The following PTPRO variants were observed in gnomAD, a reference collection of about 807,000 sequenced individuals.
PTPRO encodes the protein receptor-type tyrosine-protein phosphatase O.
PTPRO carries 62 observed loss-of-function variants against 145.2 expected under a neutral mutation model. That is an observed-to-expected ratio of 0.43 (90% CI 0.35 to 0.53). The LOEUF (loss-of-function observed/expected upper bound fraction) is 0.53. Ranked by LOEUF, PTPRO falls within the 20% of genes least tolerant of loss-of-function variation. The pLI is 0.01. For missense variants in PTPRO, 1,345 were observed against 1,482.7 expected, an observed-to-expected ratio of 0.91 and a Z score of 1.53; for synonymous variants, 565 against 514.7, an observed-to-expected ratio of 1.10 and a Z score of -1.32.
chr12:15,395,430 A>G (rs1939308667), intron 1 of PTPRO, among the ~76,000 whole-genome samples: 1 of 152,140 alleles, frequency 6.6e-6, no homozygotes, highest in Non-Finnish European at 1.5e-5. Flanking sequence ...CAGATCACAA[A>G]CATAAGTCAA....
At chr12:15,535,254 T>A (rs1032864341) in intron 12 of PTPRO, among the ~76,000 whole-genome samples, 12 of 152,152 alleles carry the variant, frequency 7.9e-5, no homozygotes, top group African/African-American at 2.7e-4. Context: ...GGGCTGGAAA[T>A]ATAAATTTGG....
intron 26 of PTPRO, 136 bp downstream of exon 26, chr12:15,595,193 C>T: frequency 4.3e-6 from 3 of 692,796 alleles, no homozygotes; most frequent in East Asian, 5.6e-5. Flanking sequence ...CAGCTCCTGG[C>T]CTCACATGGG....
rs558195740 is a variant in PTPRO at position 15,327,975 on chromosome 12, G to A, written c.75+5174G>A. Among the ~76,000 whole-genome samples the A allele has an allele frequency of 4.6e-5, 7 of 152,198 alleles. 1 individual carries two copies. The highest frequency in any genetic ancestry group is 9.6e-5 in the African/African-American group (4 of 41,534). On this transcript the variant is annotated intron_variant, in intron 1 of 26. Coordinates refer to ENST00000281171, the MANE Select transcript of PTPRO (RefSeq NM_030667.3). The stretch of plus-strand genomic sequence containing the variant: ...CTAAAAATACAAAAAACAGCCAGGT[G>A]TGGTGGCAGGCACCTGTAATCCCAG...
At chr12:15,448,838 A>G (rs944079027) in intron 1 of PTPRO, among the ~76,000 whole-genome samples, 4 of 152,190 alleles carry the variant, frequency 2.6e-5, no homozygotes, top group Non-Finnish European at 4.4e-5. Flanking sequence ...ACAATGGAAC[A>G]TTATTCATCC....
intron 11 of PTPRO, 136 bp downstream of exon 11, chr12:15,525,101 C>T: frequency 9.4e-7 from 1 of 1,059,452 alleles, no homozygotes; most frequent in Non-Finnish European, 1.4e-6. Flanking sequence ...GGAGATAAGA[C>T]AGTGAACAAA....
intron 1 of PTPRO, among the ~76,000 whole-genome samples, chr12:15,397,008 A>G (rs893932368): frequency 6.6e-6 from 1 of 151,412 alleles, no homozygotes; most frequent in Non-Finnish European, 1.5e-5. Context: ...TAGCTTTAGC[A>G]TGAGTTGGAA....
rs192004565 is a variant in PTPRO, at chr12:15,396,280, G to T, written c.75+73479G>T. Among the ~76,000 whole-genome samples, 640 of 152,242 alleles carry T rather than the reference G, an allele frequency of 4.2e-3. 2 individuals carry two copies. Among genetic ancestry groups the T allele is most frequent in the Non-Finnish European group, 6.7e-3 (457 of 67,988 alleles). ...TTTGTGTTTGCATGTGAAAATTAAG[G>T]TTTAGTGACAAGTGCTGAACTCAAT... On this transcript the variant is annotated intron_variant, in intron 1 of 26. Coordinates refer to ENST00000281171, the MANE Select transcript of PTPRO (RefSeq NM_030667.3).
At chr12:15,381,803 G>C (rs187144204) in intron 1 of PTPRO, among the ~76,000 whole-genome samples, 1 of 152,070 alleles carries the variant, frequency 6.6e-6, no homozygotes, top group Admixed American at 6.6e-5. Flanking sequence ...GACCTCTCAA[G>C]CAGTGTTTAT....
At position 15,352,665 on chromosome 12, in the gene PTPRO, AAAAG is replaced by A. The variant is rs1476348975; in HGVS notation, c.75+29880_75+29883del. On this transcript the variant is annotated intron_variant, in intron 1 of 26. Transcript: ENST00000281171. ...ACTCTGTCTCAAAAAAAAAAAAAAA[AAAAG>A]AAAGAAAGAAAGAAATGGGAAAGTT... is the stretch of plus-strand genomic sequence containing the variant. Among the ~76,000 whole-genome samples, 85 of 95,004 alleles carry A rather than the reference AAAAG, an allele frequency of 8.9e-4. 1 individual carries two copies. The highest frequency in any genetic ancestry group is 1.1e-3 in the African/African-American group (35 of 32,938). 62.3% of individuals were successfully genotyped at this position (95,004 alleles called of 152,430 possible).
At chr12:15,493,800 A>C (rs1942047771) in intron 2 of PTPRO, among the ~76,000 whole-genome samples, 10 of 152,172 alleles carry the variant, frequency 6.6e-5, no homozygotes, top group Admixed American at 5.9e-4. Context: ...AGGATTTTCA[A>C]CCTAAGGCGA....
rs1472860883 is a variant in PTPRO, at chr12:15,520,182, G to C, written c.1780-19G>C. On this transcript the variant is annotated intron_variant, in intron 9 of 26. Coordinates refer to ENST00000281171, the MANE Select transcript of PTPRO (RefSeq NM_030667.3). ...TTCTCCCACAGTCTTTTGTCTCCTTGCTTGCTTTTCTCATTCAGAGAATAG... is the reference window on the plus strand; with the variant it reads ...TTCTCCCACAGTCTTTTGTCTCCTTCCTTGCTTTTCTCATTCAGAGAATAG... 6.4e-7 allele frequency: 1 copy of C among 1,564,168 alleles called. No individual in the cohort carries two copies. The highest frequency in any genetic ancestry group is 8.8e-7 in the Non-Finnish European group (1 of 1,134,664).
At chr12:15,558,056 T>C (rs1019241750) in intron 16 of PTPRO, among the ~76,000 whole-genome samples, 6 of 152,056 alleles carry the variant, frequency 3.9e-5, no homozygotes, top group Non-Finnish European at 7.4e-5. Context: ...CACCTCAGCC[T>C]CCCGAGTAGC....
At chr12:15,536,032 G>A (rs1943058764) in intron 12 of PTPRO, among the ~76,000 whole-genome samples, 1 of 149,846 alleles carries the variant, frequency 6.7e-6, no homozygotes, top group African/African-American at 2.5e-5. Flanking sequence ...CTAATAAAAT[G>A]CTTAAGGTCT....
chr12:15,458,695 T>C (rs1941235984), intron 1 of PTPRO, among the ~76,000 whole-genome samples: 1 of 151,760 alleles, frequency 6.6e-6, no homozygotes, highest in Admixed American at 6.6e-5. Context: ...GGTTTCTTGG[T>C]AGTCTTTTTT....
intron 18 of PTPRO, among the ~76,000 whole-genome samples, chr12:15,567,039 AG>A (rs1210238547): frequency 3.9e-5 from 6 of 152,174 alleles, no homozygotes; most frequent in Non-Finnish European, 7.3e-5. Flanking sequence ...TTGGACGAAA[AG>A]GAGAGACTGT....
At chr12:15,514,473 A>G (rs1355959993) in intron 7 of PTPRO, among the ~76,000 whole-genome samples, 12 of 127,332 alleles carry the variant, frequency 9.4e-5, no homozygotes, top group East Asian at 2.2e-4. Context: ...AAAAAAAAAA[A>G]GAAAGAACAG....
At chr12:15,466,710 G>C (rs1193246350) in intron 1 of PTPRO, among the ~76,000 whole-genome samples, 1 of 152,078 alleles carries the variant, frequency 6.6e-6, no homozygotes. Flanking sequence ...AGAACCTAAG[G>C]CTGAGAGAAA....
At chr12:15,561,916 G>A (rs1384134534) in intron 17 of PTPRO, among the ~76,000 whole-genome samples, 1 of 151,988 alleles carries the variant, frequency 6.6e-6, no homozygotes, top group African/African-American at 2.4e-5. Context: ...TCCTTAATAG[G>A]CCTCATTGAT....
intron 1 of PTPRO, among the ~76,000 whole-genome samples, chr12:15,419,766 T>G (rs1374742684): frequency 6.6e-6 from 1 of 150,692 alleles, no homozygotes; most frequent in Non-Finnish European, 1.5e-5. Flanking sequence ...ATAGAGGTAA[T>G]CCAACATTAG....
Sources: gnomAD v4.1 joint callset for allele counts (sites outside exome capture counted in the v4.1 genomes callset) on GRCh38, gnomAD v4.1.1 for gene constraint, MANE v1.5 for transcripts, NCBI Gene and HGNC (gene_info 2026-07-23, HGNC 2026-07-21) for gene names.